Variants in HECTD4 observed in about 807,000 individuals in gnomAD.
HECTD4 encodes the protein probable E3 ubiquitin-protein ligase HECTD4.
Under a neutral mutation model 471.5 loss-of-function variants are expected in HECTD4, and 114 were observed. The ratio of observed to expected loss-of-function variants is 0.24; its 90% CI spans 0.21 to 0.28. The LOEUF (loss-of-function observed/expected upper bound fraction) is 0.28. Ranked by LOEUF, HECTD4 falls within the 10% of genes least tolerant of loss-of-function variation. The probability of loss-of-function intolerance (pLI) is 1.00; values close to 1 mark genes in which losing one functional copy is unlikely to be tolerated. For synonymous variants in HECTD4, 2,012 were observed against 2,256.0 expected, an observed-to-expected ratio of 0.89 and a Z score of 3.07; for missense variants, 3,866 against 5,651.5, an observed-to-expected ratio of 0.68 and a Z score of 10.13.
At chr12:112,325,565 T>C (rs530161897) in intron 1 of HECTD4, among the ~76,000 whole-genome samples, 1 of 152,338 alleles carries the variant, frequency 6.6e-6, no homozygotes, top group Non-Finnish European at 1.5e-5. Flanking sequence ...AAATGATTTG[T>C]CTCAGATCCT....
In HECTD4 at chr12:112,230,422, C is replaced by T. The variant is rs11066202; in HGVS notation, c.6336+265G>A. On this transcript the variant is annotated intron_variant, in intron 40 of 75. Coordinates refer to ENST00000682272, the MANE Select transcript of HECTD4 (RefSeq NM_001388303.1). ...AATGTCAGTACCAATCTAACATAAG[C>T]AAGAAGAAGAGAAACAAGGCCTGTC... Among the ~76,000 whole-genome samples the T allele has an allele frequency of 0.055, 8,433 of 152,148 alleles. 1,290 individuals carry two copies. The East Asian group carries it at 0.61, about 11-fold the overall frequency.
In HECTD4 at chr12:112,243,121, T is replaced by C. The variant is rs1320428182; in HGVS notation, c.4958+232A>G. Among the ~76,000 whole-genome samples the C allele has an allele frequency of 6.6e-6, 1 of 152,224 alleles. No individual in the cohort carries two copies. Among genetic ancestry groups the C allele is most frequent in the Non-Finnish European group, 1.5e-5 (1 of 68,038 alleles). The stretch of plus-strand genomic sequence containing the variant: ...GCTGCTTATGCATGTATGGTTGCTG[T>C]AATGAGCTCTTAATGGACAGAGTGG... On this transcript the variant is annotated intron_variant, in intron 32 of 75. Coordinates refer to ENST00000682272, the MANE Select transcript of HECTD4 (RefSeq NM_001388303.1). This position sits in a 1 kb window ranked among gnomAD's most constrained non-coding sequence, Gnocchi z 6.6.
intron 22 of HECTD4, among the ~76,000 whole-genome samples, chr12:112,253,227 C>A (rs1427970664): frequency 6.6e-6 from 1 of 151,968 alleles, no homozygotes; most frequent in Admixed American, 6.6e-5. Flanking sequence ...TGGGTTTAAG[C>A]GATTCTCCTG....
rs58396709 is a variant in HECTD4 at position 112,200,155 on chromosome 12, A to ATT, written c.8567+481_8567+482dup. 9.1e-4 allele frequency among the ~76,000 whole-genome samples: 123 copies of ATT among 135,722 alleles called. 1 individual carries two copies. The highest frequency in any genetic ancestry group is 2.9e-3 in the African/African-American group (108 of 37,130). 89.0% of individuals were successfully genotyped at this position (135,722 alleles called of 152,430 possible). On this transcript the variant is annotated intron_variant, in intron 55 of 75. Transcript: ENST00000682272. ...TAAGTCAGATGATTCTAGATCCCCC[A>ATT]TTTTTTTTTTTTTTTTGAGACGGAG...
At position 112,283,179 on chromosome 12, in the gene HECTD4, A is replaced by G; in HGVS notation, c.1459T>C (p.Ser487Pro). ...AGGGCAGCAAGCGTTGCTGACGGGG[A>G]GGCTCTATACCGAGAAAGTCTACTT... ...LLSRLSRYRASPSATLAALTG... is the reference protein window; with the variant it reads ...LLSRLSRYRAPPSATLAALTG... The change falls in exon 8 of 76, where the codon TCC (serine) becomes CCC (proline). Residue 487 changes from serine (S) to proline (P), a missense_variant. By Grantham distance (74) the Ser-to-Pro change is moderately conservative (BLOSUM62 -1). Coordinates refer to ENST00000682272, the MANE Select transcript of HECTD4 (RefSeq NM_001388303.1). 1 of 1,613,848 alleles carries G rather than the reference A, an allele frequency of 6.2e-7. No individual in the cohort carries two copies. The highest frequency in any genetic ancestry group is 8.5e-7 in the Non-Finnish European group (1 of 1,179,838).
Position 112,381,691 on chromosome 12 carries a change from C to G in HECTD4, c.177+261G>C, listed in dbSNP as rs1428992109. 6.6e-6 allele frequency among the ~76,000 whole-genome samples: 1 copy of G among 152,026 alleles called. No homozygotes were observed. Among genetic ancestry groups the G allele is most frequent in the Non-Finnish European group, 1.5e-5 (1 of 67,982 alleles). ...GCCAGGCGCTAGCCTAATAAAATGC[C>G]GGGTGTCGGAACGCTCAAAAGAAAA... On this transcript the variant is annotated intron_variant, in intron 1 of 75. Coordinates refer to ENST00000682272, the MANE Select transcript of HECTD4 (RefSeq NM_001388303.1). This position sits in a 1 kb window ranked among gnomAD's most constrained non-coding sequence, Gnocchi z 4.1.
At chr12:112,272,207 C>T (rs1041984654) in intron 11 of HECTD4, among the ~76,000 whole-genome samples, 1 of 152,106 alleles carries the variant, frequency 6.6e-6, no homozygotes, top group Admixed American at 6.6e-5. Flanking sequence ...GCCACCACAC[C>T]CAGCTAACTT....
chr12:112,301,805 T>G, intron 7 of HECTD4: 1 of 569,388 alleles, frequency 1.8e-6, no homozygotes. Flanking sequence ...TAGCTGTTTT[T>G]TTTTTTAAGG....
intron 64 of HECTD4, among the ~76,000 whole-genome samples, chr12:112,177,377 ATTT>A (rs766400935): frequency 4.7e-5 from 6 of 127,260 alleles, no homozygotes; most frequent in African/African-American, 3.0e-5. Context: ...TTATGAGGCT[ATTT>A]TTTTTTTTTT....
chr12:112,312,233 A>T (rs968517457), intron 4 of HECTD4, among the ~76,000 whole-genome samples: 5 of 152,200 alleles, frequency 3.3e-5, no homozygotes, highest in Admixed American at 2.0e-4. Flanking sequence ...GGGTTTTTTT[A>T]AAATTCCTAT....
rs2031594011 is a variant in HECTD4, at chr12:112,179,691, G to A, written c.10988-294C>T. On this transcript the variant is annotated intron_variant, in intron 62 of 75. Transcript: ENST00000682272. The surrounding 1 kb of genome is among the most constrained non-coding windows in gnomAD (Gnocchi z 4.3). Reference sequence around the variant, plus strand: ...CTACCTGGTTGCTCGGGGACGACAGGCCCCTCCCCGAGGGTGGGCACACCT... The same window carrying A: ...CTACCTGGTTGCTCGGGGACGACAGACCCCTCCCCGAGGGTGGGCACACCT... 1.3e-5 allele frequency among the ~76,000 whole-genome samples: 2 copies of A among 152,204 alleles called. No homozygotes were observed. The highest frequency in any genetic ancestry group is 4.8e-5 in the African/African-American group (2 of 41,454).
intron 1 of HECTD4, among the ~76,000 whole-genome samples, chr12:112,348,516 T>C (rs1315905058): frequency 6.6e-6 from 1 of 152,154 alleles, no homozygotes; most frequent in Non-Finnish European, 1.5e-5. Context: ...CCCAGCACTT[T>C]AGAGGTCGAG....
chr12:112,355,620 C>T (rs142356954), intron 1 of HECTD4, among the ~76,000 whole-genome samples: 156 of 151,646 alleles, frequency 1.0e-3, no homozygotes, highest in African/African-American at 3.5e-3. Flanking sequence ...ATTAGCTGGG[C>T]GTGGTGGCAC....
intron 1 of HECTD4, among the ~76,000 whole-genome samples, chr12:112,333,974 C>T (rs1801274661): frequency 6.6e-6 from 1 of 152,038 alleles, no homozygotes; most frequent in Admixed American, 6.6e-5. Context: ...TTTGGGACCC[C>T]AAGGTGGGTG....
chr12:112,352,749 T>C (rs1297675949), intron 1 of HECTD4, among the ~76,000 whole-genome samples: 1 of 151,648 alleles, frequency 6.6e-6, no homozygotes, highest in Non-Finnish European at 1.5e-5. Context: ...TAAGACCACA[T>C]GTATATGCCA....
rs753525697 is a variant in HECTD4, at chr12:112,200,695, C to T, written c.8510G>A (p.Arg2837Gln). 4 of 1,613,826 alleles carry T rather than the reference C, an allele frequency of 2.5e-6. No homozygotes were observed. Among genetic ancestry groups the T allele is most frequent in the African/African-American group, 1.3e-5 (1 of 74,898 alleles). ...GACCAGCCCATTGGTGGCAGTCCTT[C>T]GGTAGCCTGCTGGGGGCCTTTCCAA... ...DMLERPPAGYRRTATNGLVTL... is the reference protein window; with the variant it reads ...DMLERPPAGYQRTATNGLVTL... The change falls in exon 55 of 76, where the codon CGA (arginine) becomes CAA (glutamine). Residue 2837 changes from arginine to glutamine, a missense_variant. This residue lies in a region of HECTD4 where 266 missense variants were observed against 441.6 expected (regional missense o/e 0.60). Transcript: ENST00000682272.
Position 112,228,616 on chromosome 12 carries a change from C to T in HECTD4, c.6684+31G>A. On this transcript the variant is annotated intron_variant, in intron 42 of 75. Transcript: ENST00000682272. This position sits in a 1 kb window ranked among gnomAD's most constrained non-coding sequence, Gnocchi z 4.9. ...TTACAGTACAGTTACCATTGGCAGA[C>T]ATTTTACAAAGCATTTAAAAATCAC... 10 of 1,581,154 alleles carry T rather than the reference C, an allele frequency of 6.3e-6. No homozygotes were observed. Among genetic ancestry groups the T allele is most frequent in the Non-Finnish European group, 8.6e-6 (10 of 1,164,474 alleles).
chr12:112,225,898 G>A (rs2033221927), intron 44 of HECTD4, among the ~76,000 whole-genome samples: 3 of 152,090 alleles, frequency 2.0e-5, no homozygotes, highest in African/African-American at 7.2e-5. Context: ...AAGTAGCTGG[G>A]ATTACAGGCA....
intron 1 of HECTD4, among the ~76,000 whole-genome samples, chr12:112,330,866 C>A (rs1226927326): frequency 1.3e-5 from 2 of 152,136 alleles, no homozygotes; most frequent in African/African-American, 4.8e-5. Flanking sequence ...ACATAAGAAC[C>A]TTTTAATTAG....
Sources: allele counts gnomAD v4.1 joint callset (sites outside exome capture counted in the v4.1 genomes callset), GRCh38; gene constraint gnomAD v4.1.1; regional missense constraint gnomAD v4.1.1; non-coding constraint Gnocchi (gnomAD v3.1); transcripts MANE v1.5; gene names NCBI Gene and HGNC (gene_info 2026-07-23, HGNC 2026-07-21).